The following NDRG1 variants were observed in gnomAD, a reference collection of about 807,000 sequenced individuals.
The protein encoded by NDRG1 is protein NDRG1.
In NDRG1, 32 loss-of-function variants were observed where a neutral mutation model predicts 56.9. That is an observed-to-expected ratio of 0.56 (90% CI 0.42 to 0.76). The LOEUF (loss-of-function observed/expected upper bound fraction) is 0.76, where lower values mean the gene tolerates loss of function less well. NDRG1 is among the 30% of genes least tolerant of loss of function. NDRG1 has a pLI of 0.00. For missense variants in NDRG1, 507 were observed against 545.7 expected (o/e 0.93, Z 0.71); for synonymous variants, 211 against 204.1 (o/e 1.03, Z -0.29).
At chr8:133,272,766 A>G (rs1857257918) in intron 3 of NDRG1, among the ~76,000 whole-genome samples, 1 of 151,988 alleles carries the variant, frequency 6.6e-6, no homozygotes, top group South Asian at 2.1e-4. Context: ...TCTAAGTCCC[A>G]ATGGCTTTGC....
intron 15 of NDRG1, 21 bp from the exon 16 acceptor site, chr8:133,239,140 C>A (rs775948296): frequency 7.1e-6 from 11 of 1,551,104 alleles, no homozygotes; most frequent in Admixed American, 2.0e-5. Context: ...AAGAGACAGC[C>A]GGTTAGAGGG....
At chr8:133,280,110 C>A in intron 3 of NDRG1, 122 bp downstream of exon 3, 1 of 1,198,336 alleles carries the variant, frequency 8.3e-7, no homozygotes. Context: ...TAGCTGAGAC[C>A]ACTGCCTTCT....
chr8:133,296,360 C>T (rs1717141801), intron 1 of NDRG1: 6 of 415,004 alleles, frequency 1.4e-5, no homozygotes, highest in South Asian at 1.0e-4. Context: ...GCCCAGGTCA[C>T]TTCTCCCACG....
chr8:133,245,743 CT>C (rs1855637156), intron 13 of NDRG1, among the ~76,000 whole-genome samples: 3 of 152,176 alleles, frequency 2.0e-5, no homozygotes, highest in Admixed American at 2.0e-4. Flanking sequence ...TTTTGTGATA[CT>C]TGTGACAACC....
At chr8:133,270,229 C>T (rs867150217) in intron 3 of NDRG1, among the ~76,000 whole-genome samples, 1 of 152,234 alleles carries the variant, frequency 6.6e-6, no homozygotes, top group African/African-American at 2.4e-5. Context: ...CTATGGTCTA[C>T]ACCGCCTGGA....
chr8:133,250,811 T>C (rs1199972122), intron 9 of NDRG1, among the ~76,000 whole-genome samples: 1 of 149,322 alleles, frequency 6.7e-6, no homozygotes, highest in Non-Finnish European at 1.5e-5. Flanking sequence ...ACTTTGGGAG[T>C]TTCAATTTGA....
chr8:133,280,572 C>T (rs535108285), intron 2 of NDRG1, among the ~76,000 whole-genome samples: 183 of 151,986 alleles, frequency 1.2e-3, no homozygotes, highest in African/African-American at 3.7e-3. Context: ...TACAGGTGCC[C>T]GCCACCACGC....
intron 3 of NDRG1, among the ~76,000 whole-genome samples, chr8:133,279,654 C>T (rs750946272): frequency 6.6e-6 from 1 of 152,162 alleles, no homozygotes; most frequent in African/African-American, 2.4e-5. Flanking sequence ...CAGCATGGGA[C>T]CCACCCCAGC....
chr8:133,244,807 T>C (rs587621466), intron 13 of NDRG1: 275 of 297,094 alleles, frequency 9.3e-4, no homozygotes, highest in Middle Eastern at 2.3e-3. Context: ...CTTGAAAGTT[T>C]CCCTCAAAAG....
At chr8:133,271,334 A>G (rs1253856497) in intron 3 of NDRG1, among the ~76,000 whole-genome samples, 1 of 152,204 alleles carries the variant, frequency 6.6e-6, no homozygotes, top group Non-Finnish European at 1.5e-5. Context: ...CATAAAGTCA[A>G]GGCCCATGGC....
In NDRG1 at chr8:133,237,869, CTGGA is replaced by C. The variant is rs1231252140; in HGVS notation, c.*1005_*1008del. 2 of 233,006 alleles carry C rather than the reference CTGGA, an allele frequency of 8.6e-6. No individual in the cohort carries two copies. The highest frequency in any genetic ancestry group is 1.1e-4 in the Admixed American group (2 of 17,768). 14.4% of individuals were successfully genotyped at this position (233,006 alleles called of 1,614,324 possible). ...GGGATCCACAGAAATCACAACTGCA[CTGGA>C]TCTCAACACAACAACAAGGAATCCC... On this transcript the variant is annotated 3_prime_UTR_variant, in exon 16 of 16. Transcript: ENST00000323851.
chr8:133,259,070 A>T, intron 6 of NDRG1, 98 bp downstream of exon 6: 1 of 1,298,964 alleles, frequency 7.7e-7, no homozygotes, highest in Non-Finnish European at 1.1e-6. Flanking sequence ...TTGCAACCTT[A>T]ATTTTAGTGG....
In NDRG1 at chr8:133,238,774, A is replaced by G; in HGVS notation, c.*104T>C. Reference sequence around the variant, plus strand: ...CTCTTACAAAATAAGCTTTGGATTAATACCGAGTTAGGCGCAGTATGGCAG... The same window carrying G: ...CTCTTACAAAATAAGCTTTGGATTAGTACCGAGTTAGGCGCAGTATGGCAG... On this transcript the variant is annotated 3_prime_UTR_variant, in exon 16 of 16. Coordinates refer to ENST00000323851, the MANE Select transcript of NDRG1 (RefSeq NM_006096.4). The G allele has an allele frequency of 7.6e-7, 1 of 1,321,590 alleles. No homozygotes were observed. The highest frequency in any genetic ancestry group is 1.0e-6 in the Non-Finnish European group (1 of 980,220). The allele number at this position is 1,321,590 out of a possible 1,614,324, so 81.9% of individuals were successfully genotyped here. A position where few individuals can be genotyped will look rare whatever the true frequency, so the allele number is the denominator to read the frequency against.
intron 9 of NDRG1, among the ~76,000 whole-genome samples, chr8:133,253,966 T>C (rs181456972): frequency 6.6e-6 from 1 of 151,826 alleles, no homozygotes; most frequent in Non-Finnish European, 1.5e-5. Context: ...CCTCCCAAAG[T>C]GCTGGGATTA....
intron 2 of NDRG1, among the ~76,000 whole-genome samples, chr8:133,282,111 G>C (rs1442180574): frequency 1.3e-5 from 2 of 152,248 alleles, no homozygotes; most frequent in African/African-American, 4.8e-5. Context: ...ATGTAACCCT[G>C]AATGGGCAAG....
chr8:133,247,642 C>T (rs537397744), intron 12 of NDRG1, among the ~76,000 whole-genome samples: 109 of 152,328 alleles, frequency 7.2e-4, no homozygotes, highest in African/African-American at 2.5e-3. Context: ...CACAGACTGG[C>T]GGGTGAGGGG....
At position 133,264,577 on chromosome 8, in the gene NDRG1, T is replaced by G. The variant is rs1404219858; in HGVS notation, c.175A>C (p.Ile59Leu). ...CGTPKGNRPV[I>L]LTYHDIGMNH... Reference sequence around the variant, plus strand: ...ATGCCGATGTCATGGTAGGTGAGGATGACAGGCCGGTTTCCCTTGGGAGTC... The same window carrying G: ...ATGCCGATGTCATGGTAGGTGAGGAGGACAGGCCGGTTTCCCTTGGGAGTC... Residue 59 changes from isoleucine to leucine, a missense_variant, in exon 4 of 16, where the codon ATC (isoleucine) becomes CTC (leucine). Ile to Leu is a conservative substitution (Grantham distance 5, BLOSUM62 2). Coordinates refer to ENST00000323851, the MANE Select transcript of NDRG1 (RefSeq NM_006096.4). 6.8e-6 allele frequency: 11 copies of G among 1,614,234 alleles called. No individual in the cohort carries two copies. The highest frequency in any genetic ancestry group is 9.3e-6 in the Non-Finnish European group (11 of 1,180,046).
At chr8:133,284,874 G>A (rs1413996975) in intron 1 of NDRG1, 7 of 455,940 alleles carry the variant, frequency 1.5e-5, no homozygotes, top group Admixed American at 2.4e-5. Flanking sequence ...CACACCCCAC[G>A]GTGCAGGACT....
chr8:133,265,055 G>A (rs1353319832), intron 3 of NDRG1: 2 of 288,200 alleles, frequency 6.9e-6, no homozygotes, highest in South Asian at 3.6e-5. Context: ...CTGGCTTGGG[G>A]CTACACAGAA....
Sources: allele counts gnomAD v4.1 joint callset (sites outside exome capture counted in the v4.1 genomes callset), GRCh38; gene constraint gnomAD v4.1.1; transcripts MANE v1.5; gene names NCBI Gene and HGNC (gene_info 2026-07-23, HGNC 2026-07-21).